Variants in COPG2 observed in about 807,000 individuals in gnomAD.
COPG2 encodes the protein coatomer subunit gamma-2.
COPG2 carries 37 observed loss-of-function variants against 46.3 expected under a neutral mutation model. The observed-to-expected ratio is 0.80, with a 90% CI of 0.61 to 1.05. COPG2 has a LOEUF of 1.05. Among genes scored for constraint, COPG2 ranks in the 50% least tolerant of loss-of-function variants. The probability of loss-of-function intolerance (pLI) is 0.00; values close to 1 mark genes in which losing one functional copy is unlikely to be tolerated. For missense variants in COPG2, 427 were observed against 387.8 expected (o/e 1.10, Z -0.85); for synonymous variants, 159 against 129.7 (o/e 1.23, Z -1.53).
intron 4 of COPG2, among the ~76,000 whole-genome samples, chr7:130,654,185 C>T (rs1218728671): frequency 6.6e-6 from 1 of 152,148 alleles, no homozygotes; most frequent in Non-Finnish European, 1.5e-5. Flanking sequence ...CAAAAATGTG[C>T]TCTTAACCAC....
chr7:130,612,240 T>C lies in COPG2; in HGVS notation c.493-2A>G. The C allele has an allele frequency of 6.8e-7, 1 of 1,481,028 alleles. No individual in the cohort carries two copies. Among genetic ancestry groups the C allele is most frequent in the Non-Finnish European group, 9.0e-7 (1 of 1,115,104 alleles). 91.7% of individuals were successfully genotyped at this position (1,481,028 alleles called of 1,614,324 possible). ...ATCATAGCTTATCTTCATCATGTGC[T>C]AAATACAGAAAAAAAAAAATGAGAA... On this transcript the variant is annotated splice_acceptor_variant, in intron 7 of 23. Coordinates refer to ENST00000425248, the MANE Select transcript of COPG2 (RefSeq NM_012133.6). LOFTEE classifies it high-confidence loss of function.
rs1013543862 is a variant in COPG2 at position 130,527,076 on chromosome 7, T to C, written c.2150-18417A>G. On this transcript the variant is annotated intron_variant, in intron 20 of 23. Transcript: ENST00000425248. ...GGCTGGAGAAGACCTCTGAATCCAG[T>C]AGAGTAGCTTCAGGTAGGGTGGAAG... 2.0e-5 allele frequency among the ~76,000 whole-genome samples: 3 copies of C among 151,480 alleles called. No homozygotes were observed. In the East Asian group the frequency reaches 5.9e-4, roughly 30 times the overall value.
intron 9 of COPG2, among the ~76,000 whole-genome samples, chr7:130,575,011 G>T (rs1398487078): frequency 1.3e-5 from 2 of 151,934 alleles, no homozygotes; most frequent in Non-Finnish European, 2.9e-5. Context: ...GACAGAAAAA[G>T]GAATAAGAAA....
intron 20 of COPG2, among the ~76,000 whole-genome samples, chr7:130,538,435 C>G (rs1454345794): frequency 6.6e-6 from 1 of 152,014 alleles, no homozygotes; most frequent in African/African-American, 2.4e-5. Flanking sequence ...AGGAGGAAAT[C>G]AGAGTTCCCC....
chr7:130,666,906 T>A lies in COPG2; in HGVS notation c.114A>T (p.Pro38=), dbSNP rs782560555. ...TATGCAAACATCTTCTTGGATTGAT[T>A]GGAGTTTCATTGAATATACGAGCCT... is the stretch of plus-strand genomic sequence containing the variant. ...LQEARIFNET[P]INPRRCLHIL... is the part of the protein sequence containing the mutation. The change falls in exon 3 of 24, where the codon CCA becomes CCT. Residue 38 remains proline, a synonymous_variant. Transcript: ENST00000425248. 5.1e-6 allele frequency: 8 copies of A among 1,564,346 alleles called. No individual in the cohort carries two copies. Among genetic ancestry groups the A allele is most frequent in the Non-Finnish European group, 6.1e-6 (7 of 1,145,900 alleles).
At chr7:130,635,383 T>A (rs1367214322) in intron 5 of COPG2, among the ~76,000 whole-genome samples, 1 of 152,164 alleles carries the variant, frequency 6.6e-6, no homozygotes, top group Non-Finnish European at 1.5e-5. Context: ...TGCCACAATT[T>A]CAGAACTTGT....
At chr7:130,592,264 T>C (rs1232727982) in intron 9 of COPG2, among the ~76,000 whole-genome samples, 3 of 152,090 alleles carry the variant, frequency 2.0e-5, no homozygotes, top group Admixed American at 6.5e-5. Context: ...ACAAACACTG[T>C]GGAAGGCCAC....
intron 9 of COPG2, among the ~76,000 whole-genome samples, chr7:130,568,249 T>C (rs1793837303): frequency 6.6e-6 from 1 of 152,048 alleles, no homozygotes; most frequent in Admixed American, 6.5e-5. Context: ...CACTCCAGCC[T>C]GGGCAACAGG....
At chr7:130,518,702 T>C (rs1042234859) in intron 20 of COPG2, among the ~76,000 whole-genome samples, 40 of 152,154 alleles carry the variant, frequency 2.6e-4, no homozygotes, top group African/African-American at 8.9e-4. Flanking sequence ...TATTAAGATA[T>C]GTATAAAAAA....
At chr7:130,602,357 T>C (rs566280339) in intron 9 of COPG2, among the ~76,000 whole-genome samples, 2 of 152,218 alleles carry the variant, frequency 1.3e-5, no homozygotes, top group Admixed American at 6.5e-5. Context: ...TTAAATATTA[T>C]ATTAGCTATA....
intron 12 of COPG2, among the ~76,000 whole-genome samples, chr7:130,559,988 T>C (rs1343726176): frequency 6.6e-6 from 1 of 152,250 alleles, no homozygotes; most frequent in Non-Finnish European, 1.5e-5. Context: ...CCAGTTCTAT[T>C]CAACCCTGTT....
chr7:130,668,019 A>G (rs1442509429), intron 1 of COPG2, among the ~76,000 whole-genome samples: 1 of 151,928 alleles, frequency 6.6e-6, no homozygotes, highest in Non-Finnish European at 1.5e-5. Context: ...AACACTGAGA[A>G]TTTTTTTCTT....
intron 9 of COPG2, among the ~76,000 whole-genome samples, chr7:130,581,884 G>C (rs1286919957): frequency 1.4e-5 from 2 of 147,046 alleles, no homozygotes; most frequent in Non-Finnish European, 3.0e-5. Context: ...CATGCTCATG[G>C]GTAGGAAGAA....
chr7:130,611,913 A>G (rs530356031), intron 8 of COPG2, among the ~76,000 whole-genome samples: 23 of 152,232 alleles, frequency 1.5e-4, no homozygotes, highest in Admixed American at 4.6e-4. Context: ...ACTACTGAAT[A>G]TAACAATCTT....
intron 20 of COPG2, among the ~76,000 whole-genome samples, chr7:130,542,784 A>G (rs1793357179): frequency 6.6e-6 from 1 of 152,152 alleles, no homozygotes; most frequent in Non-Finnish European, 1.5e-5. Context: ...GGAGGCAGGT[A>G]GGAGGGGAGA....
intron 20 of COPG2, among the ~76,000 whole-genome samples, chr7:130,526,673 C>T (rs1294945157): frequency 6.6e-6 from 1 of 151,638 alleles, no homozygotes; most frequent in Non-Finnish European, 1.5e-5. Context: ...GTGCTCAGAG[C>T]AGCCTGCAAG....
intron 5 of COPG2, among the ~76,000 whole-genome samples, chr7:130,619,618 T>C (rs1383218988): frequency 1.3e-5 from 2 of 152,242 alleles, no homozygotes; most frequent in Non-Finnish European, 2.9e-5. Context: ...ACTTCTATAA[T>C]TGAATACATT....
At chr7:130,513,807 G>A (rs1799650462) in intron 20 of COPG2, among the ~76,000 whole-genome samples, 2 of 152,132 alleles carry the variant, frequency 1.3e-5, no homozygotes, top group South Asian at 2.1e-4. Flanking sequence ...GATGATAGCT[G>A]AAAAAACAAG....
intron 20 of COPG2, among the ~76,000 whole-genome samples, chr7:130,540,578 G>C (rs1303918472): frequency 6.6e-6 from 1 of 152,056 alleles, no homozygotes; most frequent in East Asian, 1.9e-4. Context: ...TGGGGTCAGA[G>C]GTGTGTTAAA....
Sources: gnomAD v4.1 joint callset for allele counts (sites outside exome capture counted in the v4.1 genomes callset) on GRCh38, gnomAD v4.1.1 for gene constraint, MANE v1.5 for transcripts, NCBI Gene and HGNC (gene_info 2026-07-23, HGNC 2026-07-21) for gene names.